The following FAF1 variants were observed in gnomAD, a reference collection of about 807,000 sequenced individuals.
FAF1 encodes Fas associated factor 1.
In FAF1, 25 loss-of-function variants were observed where a neutral mutation model predicts 92.5. The ratio of observed to expected loss-of-function variants is 0.27; its 90% CI spans 0.20 to 0.38. The LOEUF (loss-of-function observed/expected upper bound fraction) is 0.38. FAF1 is among the 10% of genes least tolerant of loss of function. The pLI, the probability that FAF1 is intolerant of heterozygous loss-of-function variation, is 1.00. For synonymous variants in FAF1, 234 were observed against 273.2 expected (o/e 0.86, Z 1.42); for missense variants, 636 against 793.3 (o/e 0.80, Z 2.38).
chr1:50,546,431 T>C (rs1230376400), intron 13 of FAF1, among the ~76,000 whole-genome samples: 1 of 152,182 alleles, frequency 6.6e-6, no homozygotes, highest in African/African-American at 2.4e-5. Context: ...GGTGGTGCAA[T>C]CTCAGCTCAC....
rs186944076 is a variant in FAF1 at position 50,706,686 on chromosome 1, G to T, written c.552-795C>A. Among the ~76,000 whole-genome samples, 321 of 152,274 alleles carry T rather than the reference G, an allele frequency of 2.1e-3. 2 individuals are homozygous for T. Among genetic ancestry groups the T allele is most frequent in the Non-Finnish European group, 3.0e-3 (207 of 68,020 alleles). ...CAGAAGTATTAAACTAATATTAAAT[G>T]AGTATTAAACTAATATTAGAAATAT... On this transcript the variant is annotated intron_variant, in intron 6 of 18. Transcript: ENST00000396153.
intron 1 of FAF1, among the ~76,000 whole-genome samples, chr1:50,888,582 T>G (rs1165584571): frequency 6.6e-6 from 1 of 152,230 alleles, no homozygotes; most frequent in East Asian, 1.9e-4. Flanking sequence ...CTTTTTAGCA[T>G]GAAGGGCTGT....
intron 18 of FAF1, among the ~76,000 whole-genome samples, chr1:50,465,556 C>T (rs1322650011): frequency 6.6e-6 from 1 of 152,138 alleles, no homozygotes; most frequent in African/African-American, 2.4e-5. Flanking sequence ...AGTTCTTGCC[C>T]TCTAAGAACT....
intron 15 of FAF1, among the ~76,000 whole-genome samples, chr1:50,520,482 A>C (rs1190968770): frequency 6.6e-6 from 1 of 152,184 alleles, no homozygotes; most frequent in Non-Finnish European, 1.5e-5. Context: ...ATGTTTTCCC[A>C]ATCTTGCAAT....
Position 50,841,953 on chromosome 1 carries a change from G to C in FAF1, c.114+15976C>G, listed in dbSNP as rs561367738. Reference sequence around the variant, plus strand: ...TAAGTGCTGGACTGTTATACTTCCTGACTAAGAATGCTGGATCATTACATT... The same window carrying C: ...TAAGTGCTGGACTGTTATACTTCCTCACTAAGAATGCTGGATCATTACATT... On this transcript the variant is annotated intron_variant, in intron 2 of 18. Transcript: ENST00000396153. Among the ~76,000 whole-genome samples, 19 of 152,088 alleles carry C rather than the reference G, an allele frequency of 1.2e-4. No homozygotes were observed. The South Asian group carries it at 3.7e-3, about 30-fold the overall frequency.
rs1244520828 is a variant in FAF1, at chr1:50,959,675, T to G, written c.45+92A>C. On this transcript the variant is annotated intron_variant, in intron 1 of 18. Transcript: ENST00000396153. ...TATAAAAGCCTAAATGACACACCAC[T>G]GCAGCGTTCAAACGCTGGGAAGAAG... 4 of 1,116,844 alleles carry G rather than the reference T, an allele frequency of 3.6e-6. No homozygotes were observed. In the African/African-American group the frequency reaches 4.8e-5, roughly 13 times the overall value. The allele number at this position is 1,116,844 out of a possible 1,614,324, so 69.2% of individuals were successfully genotyped here.
intron 1 of FAF1, among the ~76,000 whole-genome samples, chr1:50,916,439 G>A (rs1304390392): frequency 6.6e-6 from 1 of 152,078 alleles, no homozygotes; most frequent in African/African-American, 2.4e-5. Flanking sequence ...CAAACACCTC[G>A]ATTTCATAAT....
chr1:50,625,601 C>T (rs1012560563), intron 8 of FAF1, among the ~76,000 whole-genome samples: 3 of 151,962 alleles, frequency 2.0e-5, no homozygotes, highest in African/African-American at 7.3e-5. Flanking sequence ...GGAGGGTAGG[C>T]GGAGTGTAAG....
At chr1:50,625,065 C>A (rs1345455182) in intron 8 of FAF1, among the ~76,000 whole-genome samples, 1 of 152,010 alleles carries the variant, frequency 6.6e-6, no homozygotes, top group African/African-American at 2.4e-5. Flanking sequence ...CCACGCCCAG[C>A]TAATTTTGTA....
At chr1:50,698,524 C>T (rs914380927) in intron 7 of FAF1, among the ~76,000 whole-genome samples, 1 of 152,058 alleles carries the variant, frequency 6.6e-6, no homozygotes, top group Non-Finnish European at 1.5e-5. Flanking sequence ...TTTATTGTAC[C>T]TACAAGAAAG....
chr1:50,908,806 G>T (rs551520461), intron 1 of FAF1, among the ~76,000 whole-genome samples: 1 of 152,196 alleles, frequency 6.6e-6, no homozygotes, highest in African/African-American at 2.4e-5. Flanking sequence ...ACAGCACACT[G>T]ATGGGTCTTG....
At chr1:50,584,619 C>A in intron 10 of FAF1, 66 bp downstream of exon 10, 1 of 1,508,544 alleles carries the variant, frequency 6.6e-7, no homozygotes. Flanking sequence ...GTTTAATGTT[C>A]TTCATAAGTT....
At chr1:50,640,316 A>G (rs1207223873) in intron 8 of FAF1, among the ~76,000 whole-genome samples, 5 of 149,992 alleles carry the variant, frequency 3.3e-5, no homozygotes, top group Non-Finnish European at 7.4e-5. Flanking sequence ...TTTTTGAGAC[A>G]GAGTCTCGCT....
chr1:50,670,237 A>G (rs1655813018), intron 7 of FAF1, among the ~76,000 whole-genome samples: 1 of 151,742 alleles, frequency 6.6e-6, no homozygotes, highest in Non-Finnish European at 1.5e-5. Flanking sequence ...TCACCCAGCT[A>G]ATTTTTGTAT....
At chr1:50,698,914 C>A (rs1384962944) in intron 7 of FAF1, among the ~76,000 whole-genome samples, 1 of 151,980 alleles carries the variant, frequency 6.6e-6, no homozygotes, top group East Asian at 1.9e-4. Context: ...GTAATTAAAA[C>A]TTATTGACAT....
chr1:50,572,867 A>G lies in FAF1; in HGVS notation c.1114-5636T>C, dbSNP rs549916555. On this transcript the variant is annotated intron_variant, in intron 12 of 18. Coordinates refer to ENST00000396153, the MANE Select transcript of FAF1 (RefSeq NM_007051.3). The stretch of plus-strand genomic sequence containing the variant: ...CTTTATGAAGATGATACTTTAAAAA[A>G]AAATTGTTTTTAATAGAGATGGGGT... 3.3e-5 allele frequency among the ~76,000 whole-genome samples: 5 copies of G among 152,278 alleles called. 1 individual carries two copies. In the South Asian group the frequency reaches 1.0e-3, roughly 32 times the overall value.
chr1:50,644,122 T>G (rs1204234750), intron 8 of FAF1, among the ~76,000 whole-genome samples: 1 of 152,208 alleles, frequency 6.6e-6, no homozygotes, highest in East Asian at 1.9e-4. Context: ...AACTTTTAAT[T>G]GGATGCTGGA....
In FAF1 at chr1:50,440,409, A is replaced by G. The variant is rs1260155761; in HGVS notation, c.*1031T>C. The G allele has an allele frequency of 6.6e-6, 1 of 152,246 alleles. No individual in the cohort carries two copies. Among genetic ancestry groups the G allele is most frequent in the African/African-American group, 2.4e-5 (1 of 41,476 alleles). 9.4% of individuals were successfully genotyped at this position (152,246 alleles called of 1,614,324 possible). A position where few individuals can be genotyped will look rare whatever the true frequency, so the allele number is the denominator to read the frequency against. Reference sequence around the variant, plus strand: ...AGTCTGATTTTTCAGCCACAGAATGAGATCCCTTTCATTTGAGTCCAATAT... The same window carrying G: ...AGTCTGATTTTTCAGCCACAGAATGGGATCCCTTTCATTTGAGTCCAATAT... On this transcript the variant is annotated 3_prime_UTR_variant, in exon 19 of 19. Transcript: ENST00000396153.
intron 18 of FAF1, among the ~76,000 whole-genome samples, chr1:50,442,793 T>G (rs775677663): frequency 6.6e-6 from 1 of 152,170 alleles, no homozygotes; most frequent in African/African-American, 2.4e-5. Context: ...AAGGGGAAAC[T>G]ATCTTCAGCT....
Sources: gnomAD v4.1 joint callset for allele counts (sites outside exome capture counted in the v4.1 genomes callset) on GRCh38, gnomAD v4.1.1 for gene constraint, MANE v1.5 for transcripts, NCBI Gene and HGNC (gene_info 2026-07-23, HGNC 2026-07-21) for gene names.